PLCB4: variants seen among roughly 807,000 people sequenced by gnomAD.
PLCB4 encodes the protein phospholipase C beta 4, also known as 1-phosphatidylinositol 4,5-bisphosphate phosphodiesterase beta-4.
A neutral mutation model predicts 178.8 loss-of-function variants in PLCB4; 77 were observed. The ratio of observed to expected loss-of-function variants is 0.43; its 90% confidence interval spans 0.36 to 0.52. PLCB4 has a LOEUF of 0.52. Ranked by LOEUF, PLCB4 falls within the 20% of genes least tolerant of loss-of-function variation. The pLI, the probability that PLCB4 is intolerant of heterozygous loss-of-function variation, is 0.00. For missense variants in PLCB4, 1,024 were observed against 1,453.4 expected (o/e 0.70, Z 4.80); for synonymous variants, 496 against 490.8 (o/e 1.01, Z -0.14).
chr20:9,426,981 T>G (rs2041059468), intron 28 of PLCB4, among the ~76,000 whole-genome samples: 1 of 151,998 alleles, frequency 6.6e-6, no homozygotes, highest in African/African-American at 2.4e-5. Context: ...TCCCAGCACT[T>G]TGGGAGGCCG....
At chr20:9,105,731 G>T (rs1335453406) in intron 2 of PLCB4, among the ~76,000 whole-genome samples, 2 of 151,980 alleles carry the variant, frequency 1.3e-5, no homozygotes, top group South Asian at 4.1e-4. Flanking sequence ...CTCAATAAAA[G>T]GTATTGGGAC....
intron 4 of PLCB4, among the ~76,000 whole-genome samples, chr20:9,332,759 G>A (rs901350521): frequency 2.6e-5 from 4 of 152,166 alleles, no homozygotes; most frequent in Non-Finnish European, 4.4e-5. Flanking sequence ...AACTGTGTAG[G>A]ACCTTATGAC....
intron 35 of PLCB4, among the ~76,000 whole-genome samples, chr20:9,466,467 A>G (rs548812588): frequency 5.9e-5 from 9 of 152,254 alleles, no homozygotes; most frequent in Non-Finnish European, 1.2e-4. Context: ...TCTGCATGGC[A>G]AAAGAAACTA....
intron 3 of PLCB4, among the ~76,000 whole-genome samples, chr20:9,284,260 G>A (rs1484385417): frequency 3.3e-5 from 5 of 151,940 alleles, no homozygotes; most frequent in African/African-American, 9.7e-5. Context: ...TGCAGGCAGT[G>A]AGCCATGCCG....
At chr20:9,202,283 A>T (rs914298931) in intron 2 of PLCB4, among the ~76,000 whole-genome samples, 1 of 152,140 alleles carries the variant, frequency 6.6e-6, no homozygotes, top group Non-Finnish European at 1.5e-5. Flanking sequence ...GAATTGTTTT[A>T]TGTCTTGATT....
At position 9,459,773 on chromosome 20, in the gene PLCB4, G is replaced by A. The variant is rs2043280873; in HGVS notation, c.3211G>A (p.Glu1071Lys). Reference protein sequence around the residue: ...LLKKLLINAHEQQTQQLKLSH... With the variant: ...LLKKLLINAHKQQTQQLKLSH... ...GAAAAAGCTACTCATCAATGCCCAC[G>A]AGCAGCAAACCCAGCAGCTGAAACT... is the stretch of plus-strand genomic sequence containing the variant. The change falls in exon 35 of 40, where the codon GAG becomes AAG. Residue 1071 changes from glutamate to lysine, a missense_variant. Glu to Lys is a moderately conservative substitution (Grantham distance 56). This residue lies in a region of PLCB4 where 264 missense variants were observed against 283.2 expected (regional missense o/e 0.93). Transcript: ENST00000378473. The A allele has an allele frequency of 6.2e-6, 10 of 1,612,082 alleles. No homozygotes were observed. The highest frequency in any genetic ancestry group is 3.3e-5 in the South Asian group (3 of 90,974).
chr20:9,104,815 C>T (rs2091303237), intron 2 of PLCB4, among the ~76,000 whole-genome samples: 1 of 152,004 alleles, frequency 6.6e-6, no homozygotes, highest in Non-Finnish European at 1.5e-5. Context: ...ATGAAGACTT[C>T]CTTAAGCTCT....
intron 17 of PLCB4, among the ~76,000 whole-genome samples, chr20:9,391,744 C>G (rs1292547776): frequency 6.6e-6 from 1 of 152,188 alleles, no homozygotes; most frequent in Non-Finnish European, 1.5e-5. Flanking sequence ...GCTCTGGTCA[C>G]TGGAGCCTGC....
intron 17 of PLCB4, among the ~76,000 whole-genome samples, chr20:9,392,637 G>A (rs1282886834): frequency 6.6e-6 from 1 of 152,124 alleles, no homozygotes; most frequent in Non-Finnish European, 1.5e-5. Flanking sequence ...AAGCTAAAGA[G>A]CTTTCAACCT....
chr20:9,452,390 G>T (rs766582227), intron 32 of PLCB4, among the ~76,000 whole-genome samples: 9 of 152,088 alleles, frequency 5.9e-5, no homozygotes, highest in Non-Finnish European at 1.3e-4. Context: ...CGGTGAGAGG[G>T]GTTATATAAC....
chr20:9,445,334 T>A (rs927331296), intron 32 of PLCB4, among the ~76,000 whole-genome samples: 1 of 152,248 alleles, frequency 6.6e-6, no homozygotes, highest in African/African-American at 2.4e-5. Context: ...CTGAGTTCTT[T>A]TAAACTAATC....
At chr20:9,152,940 G>C (rs771988494) in intron 2 of PLCB4, among the ~76,000 whole-genome samples, 1 of 152,194 alleles carries the variant, frequency 6.6e-6, no homozygotes, top group Non-Finnish European at 1.5e-5. Context: ...ACCTGGGTGT[G>C]AGACCTGGAG....
chr20:9,131,182 G>A (rs917683014), intron 2 of PLCB4, among the ~76,000 whole-genome samples: 1 of 152,002 alleles, frequency 6.6e-6, no homozygotes, highest in Non-Finnish European at 1.5e-5. Flanking sequence ...TAATCTTTCG[G>A]TACATCTATT....
rs373965229 is a variant in PLCB4, at chr20:9,402,222, G to A, written c.1611+632G>A. Among the ~76,000 whole-genome samples, 20 of 152,316 alleles carry A rather than the reference G, an allele frequency of 1.3e-4. No homozygotes were observed. The South Asian group carries it at 1.7e-3, about 13-fold the overall frequency. On this transcript the variant is annotated intron_variant, in intron 20 of 39. Coordinates refer to ENST00000378473, the MANE Select transcript of PLCB4 (RefSeq NM_001377142.1). Reference sequence around the variant, plus strand: ...ACTATATAATTACAACTTACGGTGAGTGCAATTATGAACATAAACACGCAT... The same window carrying A: ...ACTATATAATTACAACTTACGGTGAATGCAATTATGAACATAAACACGCAT...
rs2089541453 is a variant in PLCB4, at chr20:9,070,930, G to A, written c.-135+1724G>A. ...TTCTAACTCCATTTGATCACTGGGT[G>A]CACATTTAAATCTGTCGGAATAACT... On this transcript the variant is annotated intron_variant, in intron 1 of 39. Coordinates refer to ENST00000378473, the MANE Select transcript of PLCB4 (RefSeq NM_001377142.1). Among the ~76,000 whole-genome samples the A allele has an allele frequency of 3.9e-5, 6 of 152,266 alleles. No individual in the cohort carries two copies. In the South Asian group the frequency reaches 1.2e-3, roughly 32 times the overall value.
chr20:9,304,030 C>T (rs1472810647), intron 3 of PLCB4, among the ~76,000 whole-genome samples: 2 of 152,008 alleles, frequency 1.3e-5, no homozygotes, highest in Admixed American at 1.3e-4. Context: ...GTGTCTCTCA[C>T]TCTTGCTCTA....
intron 3 of PLCB4, among the ~76,000 whole-genome samples, chr20:9,245,654 C>A (rs2094116888): frequency 6.6e-6 from 1 of 151,958 alleles, no homozygotes; most frequent in Admixed American, 6.5e-5. Flanking sequence ...CCCCCTAGAA[C>A]CTCTGTAGGG....
intron 3 of PLCB4, among the ~76,000 whole-genome samples, chr20:9,279,734 A>G (rs112887161): frequency 1.2e-4 from 18 of 152,028 alleles, no homozygotes; most frequent in African/African-American, 4.1e-4. Context: ...AAAAATGCTG[A>G]CCTTCACTCC....
intron 3 of PLCB4, among the ~76,000 whole-genome samples, chr20:9,243,058 A>G (rs1250468613): frequency 6.6e-6 from 1 of 152,208 alleles, no homozygotes; most frequent in Non-Finnish European, 1.5e-5. Context: ...AGTATGTTCC[A>G]TGTAATATTT....
Sources: allele counts gnomAD v4.1 joint callset (sites outside exome capture counted in the v4.1 genomes callset), GRCh38; gene constraint gnomAD v4.1.1; regional missense constraint gnomAD v4.1.1; transcripts MANE v1.5; gene names NCBI Gene and HGNC (gene_info 2026-07-23, HGNC 2026-07-21).